The following ZBTB49 variants were observed in gnomAD, a reference collection of about 807,000 sequenced individuals.
The protein encoded by ZBTB49 is zinc finger and BTB domain-containing protein 49.
In ZBTB49, 43 loss-of-function variants were observed where a neutral mutation model predicts 57.5. That is an observed-to-expected ratio of 0.75 (90% CI 0.59 to 0.97). The LOEUF is 0.97. Among genes scored for constraint, ZBTB49 ranks in the 50% least tolerant of loss-of-function variants. The probability of loss-of-function intolerance (pLI) is 0.00; values close to 1 mark genes in which losing one functional copy is unlikely to be tolerated. For missense variants in ZBTB49, 938 were observed against 947.7 expected, an observed-to-expected ratio of 0.99 and a Z score of 0.13; for synonymous variants, 369 against 362.1, an observed-to-expected ratio of 1.02 and a Z score of -0.22.
chr4:4,303,076 A>C lies in ZBTB49; in HGVS notation c.1240A>C (p.Lys414Gln). The C allele has an allele frequency of 6.2e-7, 1 of 1,608,384 alleles. No individual in the cohort carries two copies. The highest frequency in any genetic ancestry group is 8.5e-7 in the Non-Finnish European group (1 of 1,176,478). Residue 414 changes from lysine to glutamine, a missense_variant, in exon 3 of 8, where the codon AAA becomes CAA. Lys to Gln is a moderately conservative substitution (Grantham distance 53). This residue lies in a region of ZBTB49 where 835 missense variants were observed against 819.1 expected (regional missense o/e 1.02). Coordinates refer to ENST00000337872, the MANE Select transcript of ZBTB49 (RefSeq NM_145291.4). ...FKHPSNLELHKRSHTGEKPFE... is the reference protein window; with the variant it reads ...FKHPSNLELHQRSHTGEKPFE... ...ACACCCAAGCAACTTGGAGCTTCACAAACGGTCTCATACAGGTAACTGATT... is the reference window on the plus strand; with the variant it reads ...ACACCCAAGCAACTTGGAGCTTCACCAACGGTCTCATACAGGTAACTGATT...
In ZBTB49 at chr4:4,307,887, T is replaced by C. The variant is rs775520517; in HGVS notation, c.1302+1703T>C. 3.3e-4 allele frequency among the ~76,000 whole-genome samples: 51 copies of C among 152,324 alleles called. No homozygotes were observed. In the Middle Eastern group the frequency reaches 0.017, roughly 51 times the overall value. On this transcript the variant is annotated intron_variant, in intron 4 of 7. Coordinates refer to ENST00000337872, the MANE Select transcript of ZBTB49 (RefSeq NM_145291.4). ...GAAAGCCCTTTATACATTTAAATTA[T>C]GTTGAGAGTAGAAGTTCCATCCTTC...
intron 4 of ZBTB49, among the ~76,000 whole-genome samples, chr4:4,306,685 T>C (rs1198933668): frequency 6.6e-6 from 1 of 152,244 alleles, no homozygotes; most frequent in African/African-American, 2.4e-5. Context: ...AGGAAACGTT[T>C]GTTTTACCCT....
chr4:4,302,101 C>G lies in ZBTB49; in HGVS notation c.265C>G (p.Leu89Val), dbSNP rs781044085. ...LDFMYTSHLD[L>V]NQDNIQVMLD... ...CTTCATGTACACTTCTCATCTAGAT[C>G]TTAACCAGGACAATATACAAGTAAT... Residue 89 changes from leucine to valine, a missense_variant, in exon 3 of 8, where the codon CTT becomes GTT. Leu to Val is a conservative substitution (Grantham distance 32). Coordinates refer to ENST00000337872, the MANE Select transcript of ZBTB49 (RefSeq NM_145291.4). The G allele has an allele frequency of 6.2e-7, 1 of 1,614,206 alleles. No individual in the cohort carries two copies. The highest frequency in any genetic ancestry group is 1.7e-5 in the Admixed American group (1 of 60,016).
intron 1 of ZBTB49, among the ~76,000 whole-genome samples, chr4:4,293,571 C>A (rs1311994123): frequency 6.6e-6 from 1 of 152,190 alleles, no homozygotes; most frequent in Non-Finnish European, 1.5e-5. Context: ...TAACACTCTA[C>A]CCCCAAATTT....
At chr4:4,292,404 G>C (rs1719988297) in intron 1 of ZBTB49, among the ~76,000 whole-genome samples, 1 of 152,198 alleles carries the variant, frequency 6.6e-6, no homozygotes, top group Non-Finnish European at 1.5e-5. Context: ...TCAGTGCCTA[G>C]CGCATAATGG....
At chr4:4,315,362 C>G (rs910808121) in intron 5 of ZBTB49, among the ~76,000 whole-genome samples, 3 of 152,202 alleles carry the variant, frequency 2.0e-5, no homozygotes, top group Non-Finnish European at 4.4e-5. Flanking sequence ...CGTACGGTAT[C>G]TGATCTTGTG....
chr4:4,293,275 G>GAACC (rs5855812), intron 1 of ZBTB49, among the ~76,000 whole-genome samples: 16,236 of 152,142 alleles, frequency 0.11, 2,387 homozygotes, highest in African/African-American at 0.33. Context: ...AGATGGAAGA[G>GAACC]AACCTTCTGC....
At chr4:4,318,826 A>G (rs1221725606) in intron 7 of ZBTB49, among the ~76,000 whole-genome samples, 1 of 151,956 alleles carries the variant, frequency 6.6e-6, no homozygotes, top group African/African-American at 2.4e-5. Flanking sequence ...AAACACAGAC[A>G]TGAAAGCACA....
rs1026208114 is a variant in ZBTB49 at position 4,306,052 on chromosome 4, A to G, written c.1256-86A>G. ...GGATGCAGAATGTAATGCCATTTTG[A>G]AAGTACATAGGAGGTCATTTAAACA... is the stretch of plus-strand genomic sequence containing the variant. On this transcript the variant is annotated intron_variant, in intron 3 of 7. Transcript: ENST00000337872. The G allele has an allele frequency of 2.7e-5, 29 of 1,072,774 alleles. No individual in the cohort carries two copies. The African/African-American group carries it at 4.0e-4, about 15-fold the overall frequency. 66.5% of individuals were successfully genotyped at this position (1,072,774 alleles called of 1,614,324 possible).
chr4:4,296,669 G>A (rs1438291200), intron 1 of ZBTB49, among the ~76,000 whole-genome samples: 1 of 152,184 alleles, frequency 6.6e-6, no homozygotes, highest in African/African-American at 2.4e-5. Context: ...AATACACAAG[G>A]TGAGAAAGGA....
chr4:4,316,381 C>T (rs1369868638), intron 7 of ZBTB49, among the ~76,000 whole-genome samples: 1 of 152,164 alleles, frequency 6.6e-6, no homozygotes, highest in Non-Finnish European at 1.5e-5. Flanking sequence ...TCAGAGCAGA[C>T]TTTATTCTCG....
At chr4:4,317,094 T>G (rs1303945102) in intron 7 of ZBTB49, among the ~76,000 whole-genome samples, 1 of 152,246 alleles carries the variant, frequency 6.6e-6, no homozygotes. Flanking sequence ...TTATCACAAC[T>G]GTGAACTTGA....
intron 3 of ZBTB49, among the ~76,000 whole-genome samples, chr4:4,303,568 C>A (rs1239202699): frequency 6.6e-6 from 1 of 152,050 alleles, no homozygotes; most frequent in African/African-American, 2.4e-5. Context: ...TTTTAAAATT[C>A]TAATTTGGGA....
At chr4:4,312,645 G>C (rs1039041121) in intron 4 of ZBTB49, among the ~76,000 whole-genome samples, 2 of 152,202 alleles carry the variant, frequency 1.3e-5, no homozygotes, top group African/African-American at 4.8e-5. Context: ...AGGACGTATG[G>C]TGCTTTTGTT....
Position 4,300,047 on chromosome 4 carries a change from C to G in ZBTB49, c.102C>G (p.Val34=), listed in dbSNP as rs373509199. 1.2e-6 allele frequency: 2 copies of G among 1,614,150 alleles called. No individual in the cohort carries two copies. Among genetic ancestry groups the G allele is most frequent in the Non-Finnish European group, 1.7e-6 (2 of 1,180,028 alleles). Residue 34 remains valine (V), a synonymous_variant, in exon 2 of 8, where the codon GTC becomes GTG. Transcript: ENST00000337872. ...LCDCMLVVKG[V]CFKAHKNVLA... is the part of the protein sequence containing the mutation. The stretch of plus-strand genomic sequence containing the variant: ...ACTGTATGTTGGTGGTAAAAGGAGT[C>G]TGCTTTAAAGCGCATAAGAATGTCC...
chr4:4,293,777 C>A (rs1044290689), intron 1 of ZBTB49, among the ~76,000 whole-genome samples: 4 of 152,236 alleles, frequency 2.6e-5, no homozygotes, highest in African/African-American at 9.6e-5. Flanking sequence ...TCCATGTGTT[C>A]TCTCTAGCTG....
chr4:4,304,047 T>G (rs1720630805), intron 3 of ZBTB49, among the ~76,000 whole-genome samples: 1 of 152,168 alleles, frequency 6.6e-6, no homozygotes, highest in Non-Finnish European at 1.5e-5. Context: ...GGAGATTTCT[T>G]TGATAATTGT....
At chr4:4,315,491 C>A (rs1721151027) in intron 5 of ZBTB49, 145 bp from the exon 6 acceptor site, 1 of 732,748 alleles carries the variant, frequency 1.4e-6, no homozygotes, top group African/African-American at 1.8e-5. Context: ...TTTTTCCATG[C>A]ACGTTTCAGA....
chr4:4,318,539 C>T (rs948638734), intron 7 of ZBTB49, among the ~76,000 whole-genome samples: 3 of 152,034 alleles, frequency 2.0e-5, no homozygotes, highest in South Asian at 2.1e-4. Flanking sequence ...ACCCGGGAGA[C>T]GGAGGTTGCA....
Sources: allele counts gnomAD v4.1 joint callset (sites outside exome capture counted in the v4.1 genomes callset), GRCh38; gene constraint gnomAD v4.1.1; regional missense constraint gnomAD v4.1.1; transcripts MANE v1.5; gene names NCBI Gene and HGNC (gene_info 2026-07-23, HGNC 2026-07-21).